Variants in SPRY3 observed in about 807,000 individuals in gnomAD.
SPRY3 encodes sprouty RTK signaling antagonist 3.
In SPRY3, 15 loss-of-function variants were observed where a neutral mutation model predicts 20.2. The observed-to-expected ratio is 0.74, with a 90% CI of 0.50 to 1.14. The LOEUF is 1.14. SPRY3 is among the 50% of genes most tolerant of loss of function. SPRY3 has a pLI of 0.00. For missense variants in SPRY3, 364 were observed against 363.9 expected (o/e 1.00, Z 0.00); for synonymous variants, 143 against 136.5 (o/e 1.05, Z -0.33).
At chrX:155,642,370 C>T (rs1343373835) in intron 1 of SPRY3, among the ~76,000 whole-genome samples, 1 of 111,641 alleles carries the variant, frequency 9.0e-6, no homozygotes, top group Non-Finnish European at 1.9e-5. Flanking sequence ...TGGGTCTTCT[C>T]TTTTTTTCTT....
chrX:155,615,417 G>A lies in SPRY3; in HGVS notation c.-441+2770G>A, dbSNP rs1278159621. Reference sequence around the variant, plus strand: ...CATAACCTTGAGTTCTTGAAAGGTGGTTAAAACTATGTGTTAATTGTGATT... The same window carrying A: ...CATAACCTTGAGTTCTTGAAAGGTGATTAAAACTATGTGTTAATTGTGATT... On this transcript the variant is annotated intron_variant, in intron 1 of 3. Transcript: ENST00000675360. 3.6e-5 allele frequency among the ~76,000 whole-genome samples: 4 copies of A among 112,336 alleles called. No homozygotes were observed. The East Asian group carries it at 1.1e-3, about 31-fold the overall frequency.
intron 2 of SPRY3, among the ~76,000 whole-genome samples, chrX:155,721,433 A>G (rs1261603324): frequency 1.3e-5 from 2 of 152,176 alleles, no homozygotes; most frequent in Non-Finnish European, 2.9e-5. Context: ...AAAGATATCA[A>G]TATCCAAGTA....
At chrX:155,722,709 C>T (rs1327215060) in intron 2 of SPRY3, among the ~76,000 whole-genome samples, 1 of 151,990 alleles carries the variant, frequency 6.6e-6, no homozygotes, top group Non-Finnish European at 1.5e-5. Context: ...GGACTAAACT[C>T]TCCAATCAAA....
At chrX:155,724,505 C>T (rs779817701) in intron 2 of SPRY3, among the ~76,000 whole-genome samples, 1 of 152,142 alleles carries the variant, frequency 6.6e-6, no homozygotes, top group Non-Finnish European at 1.5e-5. Flanking sequence ...CTTCACATCC[C>T]TTGTAAGTTG....
intron 2 of SPRY3, among the ~76,000 whole-genome samples, chrX:155,709,412 A>G (rs1482607451): frequency 5.9e-5 from 9 of 151,794 alleles, no homozygotes; most frequent in African/African-American, 2.2e-4. Context: ...TTATCTGATG[A>G]GCAATGATGC....
At chrX:155,643,829 A>G (rs2067949679) in intron 1 of SPRY3, among the ~76,000 whole-genome samples, 1 of 111,707 alleles carries the variant, frequency 9.0e-6, no homozygotes, top group South Asian at 3.7e-4. Context: ...TCTTCCTTAT[A>G]CCTTTAAAAG....
chrX:155,767,685 G>C (rs1214745895), intron 2 of SPRY3: 1 of 102,976 alleles, frequency 9.7e-6, no homozygotes, highest in Non-Finnish European at 2.2e-5. Flanking sequence ...AGGAGAAAGA[G>C]GCGGAGGAGG....
intron 1 of SPRY3, among the ~76,000 whole-genome samples, chrX:155,640,299 A>G (rs1311561131): frequency 3.6e-5 from 4 of 112,565 alleles, no homozygotes; most frequent in African/African-American, 1.3e-4. Flanking sequence ...AAAATAAGCT[A>G]GAGAAAAAGT....
intron 2 of SPRY3, among the ~76,000 whole-genome samples, chrX:155,734,697 A>T (rs1166515694): frequency 6.6e-6 from 1 of 151,984 alleles, no homozygotes; most frequent in Non-Finnish European, 1.5e-5. Context: ...CATTAATCCA[A>T]GGCACAATAA....
At chrX:155,717,737 C>T (rs306937) in intron 2 of SPRY3, among the ~76,000 whole-genome samples, 37,367 of 152,020 alleles carry the variant, frequency 0.25, 4,765 homozygotes, top group African/African-American at 0.39. Context: ...GATATGAACT[C>T]ATCCTTTTTT....
chrX:155,627,201 T>C (rs1239632936), intron 1 of SPRY3, among the ~76,000 whole-genome samples: 1 of 111,676 alleles, frequency 9.0e-6, no homozygotes, highest in African/African-American at 3.3e-5. Context: ...TGTAATTTTC[T>C]ATTCTTTAAC....
chrX:155,779,973 C>T (rs746799723), downstream of SPRY3: 1 of 166,876 alleles, frequency 6.0e-6, no homozygotes, highest in Non-Finnish European at 1.5e-5. Flanking sequence ...TATTTTCACT[C>T]TCAAAGATAA....
chrX:155,660,431 G>T (rs1157846499), intron 2 of SPRY3, among the ~76,000 whole-genome samples: 1 of 111,960 alleles, frequency 8.9e-6, no homozygotes, highest in Admixed American at 9.5e-5. Flanking sequence ...GACTGGCTTT[G>T]TGGCCTAGCA....
chrX:155,656,818 C>T (rs781803047), intron 1 of SPRY3, among the ~76,000 whole-genome samples: 7 of 111,555 alleles, frequency 6.3e-5, no homozygotes, highest in Non-Finnish European at 9.4e-5. Context: ...GATGTTATTG[C>T]TTTCTGTTTG....
intron 2 of SPRY3, among the ~76,000 whole-genome samples, chrX:155,764,654 A>G (rs1305861535): frequency 1.3e-5 from 2 of 152,124 alleles, no homozygotes; most frequent in African/African-American, 2.4e-5. Context: ...CTAAATTGGG[A>G]GACAGACAAT....
intron 3 of SPRY3, among the ~76,000 whole-genome samples, chrX:155,769,581 C>T (rs988252368): frequency 2.6e-5 from 4 of 152,130 alleles, no homozygotes; most frequent in Non-Finnish European, 4.4e-5. Context: ...CAACCAGCTT[C>T]TTCTTACAAT....
chrX:155,739,529 G>C (rs954372251), intron 2 of SPRY3, among the ~76,000 whole-genome samples: 1 of 152,132 alleles, frequency 6.6e-6, no homozygotes, highest in East Asian at 1.9e-4. Context: ...CTCCCAACAG[G>C]GGTCTCCAGA....
At chrX:155,646,724 C>A (rs192007761) in intron 1 of SPRY3, among the ~76,000 whole-genome samples, 1 of 111,555 alleles carries the variant, frequency 9.0e-6, no homozygotes, top group East Asian at 2.8e-4. Flanking sequence ...ACTATGTAAT[C>A]TGCTAACAGG....
Position 155,707,411 on chromosome X carries a change from G to A in SPRY3, c.-282+50386G>A, listed in dbSNP as rs147277364. 1.1e-3 allele frequency among the ~76,000 whole-genome samples: 171 copies of A among 151,320 alleles called. 3 individuals are homozygous for A. In the East Asian group the frequency reaches 0.029, roughly 26 times the overall value. On this transcript the variant is annotated intron_variant, in intron 2 of 3. Transcript: ENST00000675360. ...TGTGGCCTATTATATGGTCTATACC[G>A]TAGAATGTTTCATGTTTGCTTCAAT...
Sources: gnomAD v4.1 joint callset for allele counts (sites outside exome capture counted in the v4.1 genomes callset) on GRCh38, gnomAD v4.1.1 for gene constraint, MANE v1.5 for transcripts, NCBI Gene and HGNC (gene_info 2026-07-23, HGNC 2026-07-21) for gene names.